COL6A6: variants seen among roughly 807,000 people sequenced by gnomAD.
COL6A6 encodes the protein collagen alpha-6(VI) chain.
Under a neutral mutation model 208.6 loss-of-function variants are expected in COL6A6, and 183 were observed. The ratio of observed to expected loss-of-function variants is 0.88; its 90% CI spans 0.78 to 0.99. The LOEUF is 0.99. COL6A6 is among the 50% of genes least tolerant of loss of function. The probability of loss-of-function intolerance (pLI) is 0.00; values close to 1 mark genes in which losing one functional copy is unlikely to be tolerated. For synonymous variants in COL6A6, 973 were observed against 1,011.8 expected, an observed-to-expected ratio of 0.96 and a Z score of 0.73; for missense variants, 2,816 against 2,815.2, an observed-to-expected ratio of 1.00 and a Z score of -0.01.
intron 26 of COL6A6, among the ~76,000 whole-genome samples, chr3:130,628,287 G>C (rs374801317): frequency 2.8e-4 from 42 of 152,280 alleles, no homozygotes; most frequent in African/African-American, 9.1e-4. Context: ...ATATTAAGTA[G>C]CCTATGGCAT....
chr3:130,662,152 T>C lies in COL6A6; in HGVS notation c.6346T>C (p.Phe2116Leu). 6.2e-7 allele frequency: 1 copy of C among 1,614,014 alleles called. No homozygotes were observed. Among genetic ancestry groups the C allele is most frequent in the Non-Finnish European group, 8.5e-7 (1 of 1,179,884 alleles). Residue 2116 changes from phenylalanine (F) to leucine (L), a missense_variant, in exon 35 of 37, where the codon TTT becomes CTT. Coordinates refer to ENST00000358511, the MANE Select transcript of COL6A6 (RefSeq NM_001102608.3). ...AGCCAAATGTCAGGGATATGCCTTA[T>C]TTGTGTTTTCCCTTGGCCCTATTTG... The part of the protein sequence containing the change: ...LRAKCQGYAL[F>L]VFSLGPIWDD...
At chr3:130,567,892 T>G (rs559241421) in intron 5 of COL6A6, among the ~76,000 whole-genome samples, 155 bp from the exon 6 acceptor site, 34 of 152,220 alleles carry the variant, frequency 2.2e-4, no homozygotes, top group Non-Finnish European at 4.0e-4. Flanking sequence ...AAATAGAATA[T>G]TCTCACTTTT....
rs545773823 is a variant in COL6A6 at position 130,579,467 on chromosome 3, C to A, written c.3548-2094C>A. Among the ~76,000 whole-genome samples the A allele has an allele frequency of 2.0e-5, 3 of 152,300 alleles. No homozygotes were observed. The South Asian group carries it at 6.2e-4, about 32-fold the overall frequency. The stretch of plus-strand genomic sequence containing the variant: ...GAAACTGAACTTCTGTCTTCCCACT[C>A]ACAGACTTGCCCCCCAGGATTCCAC... On this transcript the variant is annotated intron_variant, in intron 8 of 36. Transcript: ENST00000358511.
chr3:130,629,709 C>A (rs1436615329), intron 26 of COL6A6, among the ~76,000 whole-genome samples: 1 of 2,468 alleles, frequency 4.1e-4, no homozygotes. Flanking sequence ...TCGGCAGAAA[C>A]CCTACAAGCC....
chr3:130,536,727 A>T (rs1281821988), intron 1 of COL6A6, among the ~76,000 whole-genome samples: 7 of 152,200 alleles, frequency 4.6e-5, no homozygotes, highest in Non-Finnish European at 8.8e-5. Context: ...AAGGAGATGA[A>T]GTCAGAGGAT....
At position 130,626,497 on chromosome 3, in the gene COL6A6, G is replaced by T. The variant is rs759193065; in HGVS notation, c.4891G>T (p.Asp1631Tyr). The T allele has an allele frequency of 9.3e-6, 15 of 1,612,896 alleles. No individual in the cohort carries two copies. Among genetic ancestry groups the T allele is most frequent in the Non-Finnish European group, 1.3e-5 (15 of 1,178,968 alleles). ...TTCTGTTTAACAGGGAGAACCTGGAGATCTGGGAGAAAAAGGAGCTGTTGG... is the reference window on the plus strand; with the variant it reads ...TTCTGTTTAACAGGGAGAACCTGGATATCTGGGAGAAAAAGGAGCTGTTGG... ...GSQGNKGEPG[D>Y]LGEKGAVGFP... The change falls in exon 25 of 37, where the codon GAT (aspartate) becomes TAT (tyrosine). Residue 1631 changes from aspartate (D) to tyrosine (Y), a missense_variant. Asp to Tyr is a radical substitution (Grantham distance 160). Coordinates refer to ENST00000358511, the MANE Select transcript of COL6A6 (RefSeq NM_001102608.3).
intron 8 of COL6A6, among the ~76,000 whole-genome samples, chr3:130,575,087 T>G (rs1005469237): frequency 2.0e-5 from 3 of 152,212 alleles, no homozygotes; most frequent in African/African-American, 7.2e-5. Flanking sequence ...AAAGGTATCT[T>G]ATGGGTTGGT....
chr3:130,669,123 G>A (rs1177500858), intron 36 of COL6A6, among the ~76,000 whole-genome samples: 2 of 152,184 alleles, frequency 1.3e-5, no homozygotes, highest in Admixed American at 6.5e-5. Flanking sequence ...GGCTGGGCAC[G>A]GTGGCTCACG....
chr3:130,590,658 C>T (rs2063687108), intron 12 of COL6A6, among the ~76,000 whole-genome samples: 2 of 151,948 alleles, frequency 1.3e-5, no homozygotes, highest in African/African-American at 4.8e-5. Context: ...AGCTCCGCCT[C>T]CCGGGTTCAC....
At chr3:130,668,776 A>G (rs2066138759) in intron 36 of COL6A6, among the ~76,000 whole-genome samples, 2 of 152,240 alleles carry the variant, frequency 1.3e-5, no homozygotes, top group South Asian at 4.1e-4. Flanking sequence ...CCATAAGGAG[A>G]AATTGTCATT....
intron 33 of COL6A6, among the ~76,000 whole-genome samples, chr3:130,652,953 G>A (rs2065686711): frequency 6.6e-6 from 1 of 152,204 alleles, no homozygotes; most frequent in Non-Finnish European, 1.5e-5. Flanking sequence ...CGCTCTGACA[G>A]CATATACTGA....
Position 130,581,624 on chromosome 3 carries a change from T to C in COL6A6, c.3611T>C (p.Leu1204Pro), listed in dbSNP as rs752805206. 4.1e-5 allele frequency: 66 copies of C among 1,613,848 alleles called. No individual in the cohort carries two copies. The highest frequency in any genetic ancestry group is 5.3e-5 in the Non-Finnish European group (63 of 1,179,834). The stretch of plus-strand genomic sequence containing the variant: ...ACTCAGGAGAAAGGGCAGACTTTGC[T>C]TGAAGGTCAGCCTTGGATGGAAACC... ...VSTQEKGQTLLEGQPWMETYL... is the reference protein window; with the variant it reads ...VSTQEKGQTLPEGQPWMETYL... The change falls in exon 9 of 37, where the codon CTT (leucine) becomes CCT (proline). Residue 1204 changes from leucine (L) to proline (P), a missense_variant. Coordinates refer to ENST00000358511, the MANE Select transcript of COL6A6 (RefSeq NM_001102608.3).
At chr3:130,528,940 A>C (rs1271135869) in intron 1 of COL6A6, among the ~76,000 whole-genome samples, 2 of 152,156 alleles carry the variant, frequency 1.3e-5, no homozygotes, top group Non-Finnish European at 1.5e-5. Context: ...AAAACTATAA[A>C]AAATTAGCCA....
intron 24 of COL6A6, among the ~76,000 whole-genome samples, chr3:130,625,035 ATGAATC>A (rs1421940633): frequency 1.3e-5 from 2 of 152,204 alleles, no homozygotes; most frequent in African/African-American, 4.8e-5. Context: ...TAGTGTGCAT[ATGAATC>A]AGCTGAGAAG....
At chr3:130,587,353 C>T (rs574887019) in intron 11 of COL6A6, among the ~76,000 whole-genome samples, 3 of 152,314 alleles carry the variant, frequency 2.0e-5, no homozygotes, top group African/African-American at 7.2e-5. Flanking sequence ...CTCTGCCTCC[C>T]GGGTTCAAGC....
At chr3:130,627,735 A>G (rs9823913) in intron 26 of COL6A6, among the ~76,000 whole-genome samples, 57,908 of 152,000 alleles carry the variant, frequency 0.38, 14,396 homozygotes, top group African/African-American at 0.69. Flanking sequence ...TTAGCCAGTA[A>G]TGAGAGGTTG....
intron 20 of COL6A6, among the ~76,000 whole-genome samples, chr3:130,600,415 C>T (rs1302278365): frequency 6.6e-6 from 1 of 152,130 alleles, no homozygotes; most frequent in Non-Finnish European, 1.5e-5. Flanking sequence ...CACATGTACA[C>T]GTATGTTTAT....
chr3:130,539,649 T>TAAA (rs2062312450), intron 1 of COL6A6, among the ~76,000 whole-genome samples: 1 of 89,846 alleles, frequency 1.1e-5, no homozygotes, highest in Non-Finnish European at 2.9e-5. Context: ...AAAAAAAAAT[T>TAAA]TATTTCTTTG....
chr3:130,581,859 T>G lies in COL6A6; in HGVS notation c.3846T>G (p.Asp1282Glu), dbSNP rs1261010007. Residue 1282 changes from aspartate (D) to glutamate (E), a missense_variant, in exon 9 of 37, where the codon GAT becomes GAG. Coordinates refer to ENST00000358511, the MANE Select transcript of COL6A6 (RefSeq NM_001102608.3). Reference protein sequence around the residue: ...GPSLLNANLLDSLWDTFQNKS... With the variant: ...GPSLLNANLLESLWDTFQNKS... ...CTCTTCTCAATGCAAACCTCTTGGA[T>G]TCTCTATGGGATACATTTCAGAATA... 1 of 1,612,868 alleles carries G rather than the reference T, an allele frequency of 6.2e-7. No homozygotes were observed. The highest frequency in any genetic ancestry group is 2.2e-5 in the East Asian group (1 of 44,878).
Sources: gnomAD v4.1 joint callset for allele counts (sites outside exome capture counted in the v4.1 genomes callset) on GRCh38, gnomAD v4.1.1 for gene constraint, MANE v1.5 for transcripts, NCBI Gene and HGNC (gene_info 2026-07-23, HGNC 2026-07-21) for gene names.